The following LCMT1 variants were observed in gnomAD, a reference collection of about 807,000 sequenced individuals.
The protein encoded by LCMT1 is [Phosphatase 2A protein]-leucine-carboxy methyltransferase 1.
In LCMT1, 32 loss-of-function variants were observed where a neutral mutation model predicts 47.7. That is an observed-to-expected ratio of 0.67 (90% CI 0.51 to 0.90). LCMT1 has a LOEUF of 0.90. LCMT1 is among the 40% of genes least tolerant of loss of function. The probability of loss-of-function intolerance (pLI) is 0.00; values close to 1 mark genes in which losing one functional copy is unlikely to be tolerated. For missense variants in LCMT1, 375 were observed against 415.2 expected (o/e 0.90, Z 0.84); for synonymous variants, 152 against 149.7 (o/e 1.02, Z -0.11).
intron 1 of LCMT1, among the ~76,000 whole-genome samples, chr16:25,117,103 A>C (rs988037724): frequency 1.3e-5 from 2 of 152,134 alleles, no homozygotes; most frequent in Non-Finnish European, 2.9e-5. Context: ...AGGGATTTTG[A>C]GTGCAGAACT....
chr16:25,157,156 G>GTT (rs1187643395), intron 5 of LCMT1, among the ~76,000 whole-genome samples: 2 of 151,910 alleles, frequency 1.3e-5, no homozygotes, highest in Admixed American at 6.6e-5. Context: ...GCACTTGTGT[G>GTT]TGTGTGTGTG....
intron 7 of LCMT1, among the ~76,000 whole-genome samples, chr16:25,164,951 C>T (rs1200654016): frequency 1.3e-5 from 2 of 152,160 alleles, no homozygotes. Flanking sequence ...TTTTCAAGTT[C>T]TTATTTTTAT....
In LCMT1 at chr16:25,111,838, G is replaced by T. The variant is rs753802107; in HGVS notation, c.-46G>T. 66 of 1,366,688 alleles carry T rather than the reference G, an allele frequency of 4.8e-5. No individual in the cohort carries two copies. The South Asian group carries it at 7.7e-4, about 16-fold the overall frequency. The allele number at this position is 1,366,688 out of a possible 1,614,324, so 84.7% of individuals were successfully genotyped here. A position where few individuals can be genotyped will look rare whatever the true frequency, so the allele number is the denominator to read the frequency against. ...CCGTCCCCCGCCGCCCGTCGACCCC[G>T]CTTCCATGTCCCTGGCGGACACAGC... On this transcript the variant is annotated 5_prime_UTR_variant, in exon 1 of 11. Coordinates refer to ENST00000399069, the MANE Select transcript of LCMT1 (RefSeq NM_016309.3).
rs145929378 is a variant in LCMT1, at chr16:25,139,530, A to G, written c.328-641A>G. Among the ~76,000 whole-genome samples, 795 of 152,216 alleles carry G rather than the reference A, an allele frequency of 5.2e-3. 6 individuals carry two copies. The highest frequency in any genetic ancestry group is 0.018 in the African/African-American group (752 of 41,540). On this transcript the variant is annotated intron_variant, in intron 3 of 10. Transcript: ENST00000399069. ...GTCTCAAAAAAAGAAAAAAAAAATG[A>G]AAAATATATCAGAAAATAATACCCT...
chr16:25,148,237 G>T (rs1277068998), intron 4 of LCMT1: 1 of 152,254 alleles, frequency 6.6e-6, no homozygotes, highest in Non-Finnish European at 1.5e-5. Flanking sequence ...ACTGACCAGT[G>T]TCCTGCATTT....
intron 4 of LCMT1, among the ~76,000 whole-genome samples, chr16:25,149,962 C>G (rs149523900): frequency 6.8e-6 from 1 of 147,482 alleles, no homozygotes; most frequent in East Asian, 2.0e-4. Context: ...AATAGATGTG[C>G]AGTAAGTGGG....
chr16:25,151,468 T>A, intron 4 of LCMT1, 86 bp from the exon 5 acceptor site: 1 of 1,110,598 alleles, frequency 9.0e-7, no homozygotes, highest in Non-Finnish European at 1.3e-6. Context: ...TGGTAGTGAG[T>A]GTCTGCATTT....
intron 9 of LCMT1, among the ~76,000 whole-genome samples, chr16:25,174,320 C>T (rs1474096770): frequency 6.6e-6 from 1 of 151,676 alleles, no homozygotes; most frequent in Non-Finnish European, 1.5e-5. Flanking sequence ...TAAAAACAAC[C>T]CTCCTCACTA....
chr16:25,154,201 A>G (rs1298183622), intron 5 of LCMT1, among the ~76,000 whole-genome samples: 1 of 151,046 alleles, frequency 6.6e-6, no homozygotes, highest in East Asian at 2.0e-4. Context: ...TTTAGTAGAG[A>G]CAGGGTTTCA....
intron 1 of LCMT1, among the ~76,000 whole-genome samples, chr16:25,113,731 G>A (rs1597552055): frequency 6.6e-6 from 1 of 152,184 alleles, no homozygotes; most frequent in East Asian, 1.9e-4. Flanking sequence ...CACCTGCCGG[G>A]TTCAAGTGAT....
intron 7 of LCMT1, among the ~76,000 whole-genome samples, chr16:25,167,648 A>G (rs562859604): frequency 6.6e-5 from 10 of 152,356 alleles, no homozygotes; most frequent in Admixed American, 5.2e-4. Context: ...ACAAAACTAC[A>G]TGGATGATAA....
intron 3 of LCMT1, among the ~76,000 whole-genome samples, chr16:25,138,529 G>T (rs914315531): frequency 5.3e-5 from 8 of 151,728 alleles, no homozygotes; most frequent in Non-Finnish European, 1.2e-4. Context: ...GCGTGTGTGT[G>T]TGTGGTTGTG....
chr16:25,132,223 T>TA, intron 2 of LCMT1, 179 bp from the exon 3 acceptor site: 1 of 671,050 alleles, frequency 1.5e-6, no homozygotes, highest in Non-Finnish European at 2.5e-6. Context: ...CAGATGCCTT[T>TA]AACCAAAAAA....
chr16:25,113,824 CAG>C (rs1015324148), intron 1 of LCMT1, among the ~76,000 whole-genome samples: 2 of 152,276 alleles, frequency 1.3e-5, no homozygotes, highest in African/African-American at 4.8e-5. Context: ...TTAGTGGAGA[CAG>C]GGCTTCACCA....
chr16:25,151,889 A>G (rs144915142), intron 5 of LCMT1, among the ~76,000 whole-genome samples: 2 of 152,068 alleles, frequency 1.3e-5, no homozygotes, highest in African/African-American at 4.8e-5. Flanking sequence ...AGGAGGGGCA[A>G]AAGGAGGAGG....
chr16:25,168,448 T>C (rs778225375), intron 7 of LCMT1, among the ~76,000 whole-genome samples: 17 of 152,200 alleles, frequency 1.1e-4, no homozygotes, highest in Non-Finnish European at 1.8e-4. Context: ...TTTTTTAGAT[T>C]AGTTTTTGTA....
In LCMT1 at chr16:25,161,221, T is replaced by A. The variant is rs985747560; in HGVS notation, c.569+17T>A. 31 of 1,379,304 alleles carry A rather than the reference T, an allele frequency of 2.2e-5. No individual in the cohort carries two copies. The highest frequency in any genetic ancestry group is 7.1e-5 in the East Asian group (3 of 42,494). 85.4% of individuals were successfully genotyped at this position (1,379,304 alleles called of 1,614,324 possible). A position where few individuals can be genotyped will look rare whatever the true frequency, so the allele number is the denominator to read the frequency against. On this transcript the variant is annotated intron_variant, in intron 6 of 10. Transcript: ENST00000399069. ...GAATACACAGTGAGATTTTTTTTTT[T>A]AAACCTCTTCTGCATTTGTGATTTT...
intron 7 of LCMT1, among the ~76,000 whole-genome samples, chr16:25,166,210 C>T (rs1406947355): frequency 6.7e-6 from 1 of 149,120 alleles, no homozygotes. Context: ...GCGGATGTTG[C>T]AGTGAGCCGA....
chr16:25,137,277 AC>A (rs1960530434), intron 3 of LCMT1, among the ~76,000 whole-genome samples: 1 of 151,046 alleles, frequency 6.6e-6, no homozygotes, highest in Non-Finnish European at 1.5e-5. Context: ...CAGGTGATCC[AC>A]CTGCCTCAGG....
Sources: gnomAD v4.1 joint callset for allele counts (sites outside exome capture counted in the v4.1 genomes callset) on GRCh38, gnomAD v4.1.1 for gene constraint, MANE v1.5 for transcripts, NCBI Gene and HGNC (gene_info 2026-07-23, HGNC 2026-07-21) for gene names.